MLLT3: variants seen among roughly 807,000 people sequenced by gnomAD.
The protein encoded by MLLT3 is MLLT3 super elongation complex subunit.
In MLLT3, 4 loss-of-function variants were observed where a neutral mutation model predicts 53.2. The observed-to-expected ratio is 0.08, with a 90% CI of 0.04 to 0.17. The LOEUF (loss-of-function observed/expected upper bound fraction) is 0.17, where lower values mean the gene tolerates loss of function less well. Ranked by LOEUF, MLLT3 falls within the 10% of genes least tolerant of loss-of-function variation. MLLT3 has a pLI of 1.00. For synonymous variants in MLLT3, 283 were observed against 230.6 expected (o/e 1.23, Z -2.06); for missense variants, 569 against 684.0 (o/e 0.83, Z 1.87).
At chr9:20,518,435 G>A (rs1817971558) in intron 2 of MLLT3, among the ~76,000 whole-genome samples, 2 of 152,074 alleles carry the variant, frequency 1.3e-5, no homozygotes, top group South Asian at 4.1e-4. Flanking sequence ...AAGAGAAACA[G>A]AAAAACACCA....
intron 2 of MLLT3, among the ~76,000 whole-genome samples, chr9:20,553,094 C>T (rs1314558900): frequency 6.6e-6 from 1 of 152,140 alleles, no homozygotes; most frequent in Non-Finnish European, 1.5e-5. Context: ...TCTTCTTCAC[C>T]ACCAGAGGTC....
chr9:20,616,488 T>G (rs1820835907), intron 2 of MLLT3, among the ~76,000 whole-genome samples: 1 of 151,558 alleles, frequency 6.6e-6, no homozygotes, highest in Non-Finnish European at 1.5e-5. Context: ...GAGTTAACTT[T>G]AAAAAAAAAT....
At chr9:20,484,007 G>A (rs1035583242) in intron 2 of MLLT3, among the ~76,000 whole-genome samples, 4 of 151,938 alleles carry the variant, frequency 2.6e-5, no homozygotes, top group Non-Finnish European at 4.4e-5. Context: ...CACCGTGCCC[G>A]GCCCAGTAAA....
chr9:20,460,747 C>G (rs1824085214), intron 2 of MLLT3, among the ~76,000 whole-genome samples: 1 of 152,168 alleles, frequency 6.6e-6, no homozygotes. Flanking sequence ...TTACCACTGC[C>G]AAAGAAGTTG....
intron 5 of MLLT3, among the ~76,000 whole-genome samples, chr9:20,401,996 A>C (rs930332431): frequency 6.6e-6 from 1 of 152,160 alleles, no homozygotes; most frequent in Non-Finnish European, 1.5e-5. Flanking sequence ...TGTAAAAAAT[A>C]TATTGGTAAC....
chr9:20,599,391 T>A (rs142348659), intron 2 of MLLT3, among the ~76,000 whole-genome samples: 91 of 149,650 alleles, frequency 6.1e-4, no homozygotes, highest in Admixed American at 3.2e-3. Flanking sequence ...ATAAAGTTCC[T>A]CAAATGCCTT....
intron 2 of MLLT3, among the ~76,000 whole-genome samples, chr9:20,547,241 C>T (rs1434979572): frequency 1.3e-5 from 2 of 151,868 alleles, no homozygotes; most frequent in African/African-American, 4.8e-5. Context: ...ACCATGTTGC[C>T]CAGGCTGGTT....
At chr9:20,564,321 GA>G (rs1819292860) in intron 2 of MLLT3, among the ~76,000 whole-genome samples, 1 of 150,092 alleles carries the variant, frequency 6.7e-6, no homozygotes. Context: ...TCTTCCAGGG[GA>G]GGGAAAATGA....
chr9:20,486,281 A>C (rs765484616), intron 2 of MLLT3, among the ~76,000 whole-genome samples: 4 of 152,160 alleles, frequency 2.6e-5, no homozygotes, highest in Non-Finnish European at 5.9e-5. Context: ...CTATTTTCAA[A>C]ATACAACAGA....
chr9:20,465,782 G>A lies in MLLT3; in HGVS notation c.194-8996C>T, dbSNP rs184558315. Among the ~76,000 whole-genome samples the A allele has an allele frequency of 5.3e-5, 8 of 152,230 alleles. No homozygotes were observed. In the East Asian group the frequency reaches 1.5e-3, roughly 29 times the overall value. Reference sequence around the variant, plus strand: ...TCCCCCCTGCATGGCATTTGGCATAGTGGTAGCCTATCCTAAATATCCTAA... The same window carrying A: ...TCCCCCCTGCATGGCATTTGGCATAATGGTAGCCTATCCTAAATATCCTAA... On this transcript the variant is annotated intron_variant, in intron 2 of 10. Coordinates refer to ENST00000380338, the MANE Select transcript of MLLT3 (RefSeq NM_004529.4).
At chr9:20,591,208 T>C (rs560220225) in intron 2 of MLLT3, among the ~76,000 whole-genome samples, 29 of 152,350 alleles carry the variant, frequency 1.9e-4, no homozygotes, top group African/African-American at 7.0e-4. Context: ...TGTTTTTTTC[T>C]AGTTTACTGG....
chr9:20,401,564 G>A (rs755720451), intron 5 of MLLT3, among the ~76,000 whole-genome samples: 1 of 152,114 alleles, frequency 6.6e-6, no homozygotes, highest in Non-Finnish European at 1.5e-5. Flanking sequence ...CTTTCCATAT[G>A]CTTCTAACAA....
intron 4 of MLLT3, among the ~76,000 whole-genome samples, chr9:20,432,644 A>G (rs1823301914): frequency 7.0e-6 from 1 of 142,336 alleles, no homozygotes; most frequent in Non-Finnish European, 1.5e-5. Flanking sequence ...CCAAGGCTGG[A>G]AAAAAAATCG....
intron 2 of MLLT3, among the ~76,000 whole-genome samples, chr9:20,612,036 T>C (rs1299628612): frequency 2.0e-5 from 3 of 152,172 alleles, no homozygotes; most frequent in Non-Finnish European, 2.9e-5. Context: ...AAACAGCATC[T>C]ACCATGGTTA....
chr9:20,426,758 A>T (rs1823148863), intron 4 of MLLT3, among the ~76,000 whole-genome samples: 1 of 152,168 alleles, frequency 6.6e-6, no homozygotes, highest in South Asian at 2.1e-4. Flanking sequence ...TAATTACAAC[A>T]AAACTTCATT....
chr9:20,608,706 A>G (rs1284957949), intron 2 of MLLT3, among the ~76,000 whole-genome samples: 1 of 151,980 alleles, frequency 6.6e-6, no homozygotes, highest in Non-Finnish European at 1.5e-5. Context: ...AGACAGTCTT[A>G]ATCATGTTCC....
rs567200062 is a variant in MLLT3 at position 20,547,577 on chromosome 9, G to A, written c.193+73077C>T. Among the ~76,000 whole-genome samples the A allele has an allele frequency of 5.3e-4, 79 of 150,140 alleles. 1 individual carries two copies. The South Asian group carries it at 5.5e-3, about 10-fold the overall frequency. On this transcript the variant is annotated intron_variant, in intron 2 of 10. Transcript: ENST00000380338. ...GAGAATCTCTTGAACCTGGGAGGCG[G>A]AGGTTGCAGTGAGCCGAGATCGCAC...
chr9:20,435,478 T>C (rs1823378529), intron 4 of MLLT3, among the ~76,000 whole-genome samples: 2 of 152,210 alleles, frequency 1.3e-5, no homozygotes, highest in African/African-American at 4.8e-5. Flanking sequence ...TTTCACTATA[T>C]ACCCAAAATC....
chr9:20,580,987 T>G (rs1819778272), intron 2 of MLLT3, among the ~76,000 whole-genome samples: 2 of 152,256 alleles, frequency 1.3e-5, no homozygotes, highest in South Asian at 4.1e-4. Flanking sequence ...TACACTGCAT[T>G]TGGTAATTTG....
Sources: gnomAD v4.1 joint callset for allele counts (sites outside exome capture counted in the v4.1 genomes callset) on GRCh38, gnomAD v4.1.1 for gene constraint, MANE v1.5 for transcripts, NCBI Gene and HGNC (gene_info 2026-07-23, HGNC 2026-07-21) for gene names.